TINAG: variants seen among roughly 807,000 people sequenced by gnomAD.
TINAG encodes tubulointerstitial nephritis antigen.
Under a neutral mutation model 72.7 loss-of-function variants are expected in TINAG, and 83 were observed. The ratio of observed to expected loss-of-function variants is 1.14; its 90% CI spans 0.96 to 1.37. The LOEUF (loss-of-function observed/expected upper bound fraction) is 1.37, where lower values mean the gene tolerates loss of function less well. TINAG is among the 40% of genes most tolerant of loss of function. The pLI is 0.00. For missense variants in TINAG, 685 were observed against 576.6 expected (o/e 1.19, Z -1.93); for synonymous variants, 234 against 189.9 (o/e 1.23, Z -1.91).
intron 9 of TINAG, among the ~76,000 whole-genome samples, chr6:54,362,168 T>A (rs1763257224): frequency 6.6e-6 from 1 of 151,672 alleles, no homozygotes; most frequent in Non-Finnish European, 1.5e-5. Context: ...TCAATGTGGG[T>A]GAAACAGTCT....
intron 9 of TINAG, among the ~76,000 whole-genome samples, chr6:54,357,228 T>C (rs1763082249): frequency 1.3e-5 from 2 of 151,918 alleles, no homozygotes; most frequent in South Asian, 4.1e-4. Context: ...TTTTCCCCCC[T>C]GTACTTCTAC....
intron 9 of TINAG, among the ~76,000 whole-genome samples, chr6:54,378,753 C>A (rs1763858967): frequency 6.6e-6 from 1 of 152,066 alleles, no homozygotes; most frequent in African/African-American, 2.4e-5. Context: ...TTTCCATGCA[C>A]CATCCTCAAT....
At chr6:54,327,675 C>T (rs562532610) in intron 4 of TINAG, among the ~76,000 whole-genome samples, 21 of 152,212 alleles carry the variant, frequency 1.4e-4, no homozygotes, top group African/African-American at 5.1e-4. Context: ...ATCCCACCCC[C>T]GCAGAGCCCA....
chr6:54,326,700 C>A, intron 3 of TINAG, 102 bp from the exon 4 acceptor site: 1 of 734,790 alleles, frequency 1.4e-6, no homozygotes, highest in Non-Finnish European at 2.1e-6. Flanking sequence ...GTGAGATTTG[C>A]TGCTATTAAA....
chr6:54,364,320 AG>A (rs1437248105), intron 9 of TINAG, among the ~76,000 whole-genome samples: 1 of 151,518 alleles, frequency 6.6e-6, no homozygotes, highest in African/African-American at 2.4e-5. Flanking sequence ...TGCAATAAAA[AG>A]TCAGAAACGA....
At chr6:54,385,438 C>G (rs760424095) in intron 10 of TINAG, among the ~76,000 whole-genome samples, 1 of 150,890 alleles carries the variant, frequency 6.6e-6, no homozygotes, top group South Asian at 2.1e-4. Flanking sequence ...TATCAAAAAC[C>G]TACACAGGAT....
At chr6:54,382,281 CT>C (rs968506871) in intron 10 of TINAG, among the ~76,000 whole-genome samples, 1 of 151,930 alleles carries the variant, frequency 6.6e-6, no homozygotes, top group Admixed American at 6.6e-5. Context: ...TTAATTGAGG[CT>C]TTTTTCTCTA....
intron 5 of TINAG, among the ~76,000 whole-genome samples, chr6:54,343,965 T>C (rs962646989): frequency 3.9e-5 from 6 of 152,200 alleles, no homozygotes; most frequent in Non-Finnish European, 8.8e-5. Flanking sequence ...TACTTTCATA[T>C]AAATTCACAA....
intron 1 of TINAG, among the ~76,000 whole-genome samples, chr6:54,317,618 G>A (rs1164899582): frequency 6.6e-6 from 1 of 152,088 alleles, no homozygotes; most frequent in Non-Finnish European, 1.5e-5. Flanking sequence ...TCAGTCTTGG[G>A]TATGTCTTTA....
chr6:54,363,093 G>A lies in TINAG; in HGVS notation c.1250+8457G>A, dbSNP rs139984207. ...GGTTGTATAGAAACATGCAAAGGGA[G>A]CAACTTGTGTGAAGTCCCTATGCTT... On this transcript the variant is annotated intron_variant, in intron 9 of 10. Transcript: ENST00000259782. Among the ~76,000 whole-genome samples the A allele has an allele frequency of 2.4e-3, 357 of 151,668 alleles. 1 individual carries two copies. The highest frequency in any genetic ancestry group is 4.0e-3 in the Non-Finnish European group (269 of 67,694).
At chr6:54,348,058 T>C (rs1785168280) in intron 6 of TINAG, among the ~76,000 whole-genome samples, 1 of 152,142 alleles carries the variant, frequency 6.6e-6, no homozygotes, top group Non-Finnish European at 1.5e-5. Context: ...AACATCCTTG[T>C]GTCTTCTATA....
intron 4 of TINAG, chr6:54,327,310 A>G: frequency 2.2e-6 from 2 of 918,608 alleles, no homozygotes; most frequent in Non-Finnish European, 2.9e-6. Context: ...GGTGAGCAGA[A>G]GCAGGGTAGG....
intron 4 of TINAG, among the ~76,000 whole-genome samples, chr6:54,331,194 T>C (rs1432424376): frequency 6.6e-6 from 1 of 152,108 alleles, no homozygotes; most frequent in Non-Finnish European, 1.5e-5. Context: ...TGAACATCGA[T>C]GTGAAAATTC....
intron 3 of TINAG, among the ~76,000 whole-genome samples, chr6:54,324,489 T>A (rs1183276810): frequency 6.6e-6 from 1 of 152,208 alleles, no homozygotes; most frequent in Non-Finnish European, 1.5e-5. Flanking sequence ...CCACTTTCTA[T>A]TGGGTAAAGC....
intron 10 of TINAG, among the ~76,000 whole-genome samples, chr6:54,383,598 T>C (rs1582764927): frequency 1.3e-5 from 2 of 152,052 alleles, no homozygotes; most frequent in South Asian, 4.1e-4. Flanking sequence ...ATGGTTTGTT[T>C]GAGTTAAATT....
intron 4 of TINAG, among the ~76,000 whole-genome samples, chr6:54,335,108 A>G (rs944616202): frequency 1.3e-5 from 2 of 152,146 alleles, no homozygotes; most frequent in African/African-American, 4.8e-5. Context: ...ATGTGTCTCT[A>G]TATATTTCCT....
At chr6:54,308,419 C>G, upstream of TINAG, 1 of 716,250 alleles carries the variant, frequency 1.4e-6, no homozygotes, top group Non-Finnish European at 2.3e-6. Flanking sequence ...TATACTCATT[C>G]AAGTAAAGGA....
chr6:54,364,698 G>A (rs1341479108), intron 9 of TINAG, among the ~76,000 whole-genome samples: 1 of 151,210 alleles, frequency 6.6e-6, no homozygotes, highest in African/African-American at 2.4e-5. Context: ...GTGATTAAAA[G>A]CCATAGTTTT....
intron 3 of TINAG, among the ~76,000 whole-genome samples, chr6:54,322,686 T>C (rs1031140941): frequency 7.2e-5 from 11 of 152,320 alleles, no homozygotes; most frequent in Middle Eastern, 6.8e-3. Context: ...GAAAGTCACA[T>C]TTGTTGATAT....
Sources: allele counts gnomAD v4.1 joint callset (sites outside exome capture counted in the v4.1 genomes callset), GRCh38; gene constraint gnomAD v4.1.1; transcripts MANE v1.5; gene names NCBI Gene and HGNC (gene_info 2026-07-23, HGNC 2026-07-21).